DOCK7: variants seen among roughly 807,000 people sequenced by gnomAD.
DOCK7 encodes dedicator of cytokinesis protein 7.
Under a neutral mutation model 271.0 loss-of-function variants are expected in DOCK7, and 138 were observed. That is an observed-to-expected ratio of 0.51 (90% confidence interval 0.44 to 0.59). DOCK7 has a LOEUF of 0.59. Among genes scored for constraint, DOCK7 ranks in the 20% least tolerant of loss-of-function variants. The pLI is 0.00. For synonymous variants in DOCK7, 823 were observed against 876.1 expected (o/e 0.94, Z 1.07); for missense variants, 2,066 against 2,592.4 (o/e 0.80, Z 4.41).
chr1:62,502,062 A>G (rs1444310728), intron 37 of DOCK7, among the ~76,000 whole-genome samples: 1 of 152,150 alleles, frequency 6.6e-6, no homozygotes, highest in East Asian at 1.9e-4. Context: ...AAATTATTTC[A>G]GTGAACTTTC....
At chr1:62,672,729 AAT>A (rs1482745025) in intron 1 of DOCK7, among the ~76,000 whole-genome samples, 2 of 152,140 alleles carry the variant, frequency 1.3e-5, no homozygotes, top group African/African-American at 4.8e-5. Flanking sequence ...ATAATTAAAA[AAT>A]AGATATTTTT....
At chr1:62,470,114 C>T (rs1298013808) in intron 48 of DOCK7, among the ~76,000 whole-genome samples, 1 of 152,180 alleles carries the variant, frequency 6.6e-6, no homozygotes, top group Non-Finnish European at 1.5e-5. Context: ...AAGATACTTG[C>T]ACACACATAT....
In DOCK7 at chr1:62,625,413, T is replaced by A. The variant is rs1224773415; in HGVS notation, c.1283-12A>T. The A allele has an allele frequency of 1.3e-6, 2 of 1,569,726 alleles. No homozygotes were observed. The highest frequency in any genetic ancestry group is 2.0e-5 in the Admixed American group (1 of 50,360). On this transcript the variant is annotated splice_polypyrimidine_tract_variant and intron_variant, in intron 11 of 49. Transcript: ENST00000635253. ...AGACCCTTTTCGTTCTACAAAAGAA[T>A]TAAAAAAAAAATTCATTTTCATAGA...
intron 14 of DOCK7, among the ~76,000 whole-genome samples, chr1:62,607,436 T>C (rs993261102): frequency 6.6e-6 from 1 of 152,214 alleles, no homozygotes; most frequent in African/African-American, 2.4e-5. Flanking sequence ...CAATCTTCTC[T>C]TGAAACGTCT....
At chr1:62,673,163 C>T (rs74992794) in intron 1 of DOCK7, among the ~76,000 whole-genome samples, 2 of 152,164 alleles carry the variant, frequency 1.3e-5, no homozygotes, top group South Asian at 2.1e-4. Flanking sequence ...AACATATACA[C>T]GTTGATATGT....
At chr1:62,544,899 AAGG>A in intron 23 of DOCK7, 45 bp downstream of exon 23, 1 of 1,414,550 alleles carries the variant, frequency 7.1e-7, no homozygotes, top group Non-Finnish European at 9.7e-7. Context: ...TAATGTTCTA[AAGG>A]GAAACATCAG....
chr1:62,509,840 G>C (rs192481159), intron 34 of DOCK7, among the ~76,000 whole-genome samples: 26 of 152,222 alleles, frequency 1.7e-4, no homozygotes, highest in Non-Finnish European at 7.4e-5. Context: ...ATGGTTCTCA[G>C]ATAGGGTAAT....
At chr1:62,615,924 A>T (rs1025406606) in intron 14 of DOCK7, among the ~76,000 whole-genome samples, 1 of 151,752 alleles carries the variant, frequency 6.6e-6, no homozygotes, top group African/African-American at 2.4e-5. Context: ...CAGAATAGAA[A>T]CTAATTATAG....
In DOCK7 at chr1:62,588,573, G is replaced by A. The variant is rs529825760; in HGVS notation, c.1683-1949C>T. 2.1e-4 allele frequency among the ~76,000 whole-genome samples: 32 copies of A among 152,230 alleles called. 1 individual carries two copies. The South Asian group carries it at 6.2e-3, about 30-fold the overall frequency. On this transcript the variant is annotated intron_variant, in intron 14 of 49. Transcript: ENST00000635253. Reference sequence around the variant, plus strand: ...TGTTCTTCTGTGGTTTTTGTAAATTGAGAATTGAATCTAGCGCCTTAGTCA... The same window carrying A: ...TGTTCTTCTGTGGTTTTTGTAAATTAAGAATTGAATCTAGCGCCTTAGTCA...
intron 31 of DOCK7, among the ~76,000 whole-genome samples, chr1:62,527,426 G>A (rs1645042548): frequency 6.6e-6 from 1 of 152,000 alleles, no homozygotes; most frequent in African/African-American, 2.4e-5. Context: ...TATGTTTATT[G>A]TGGCACTATT....
chr1:62,590,201 G>A (rs1425672164), intron 14 of DOCK7, among the ~76,000 whole-genome samples: 2 of 152,130 alleles, frequency 1.3e-5, no homozygotes, highest in African/African-American at 2.4e-5. Context: ...ACAGATAAAA[G>A]TAGGGTCAGG....
intron 44 of DOCK7, 96 bp downstream of exon 44, chr1:62,477,604 C>T (rs1288424894): frequency 3.0e-6 from 4 of 1,339,972 alleles, no homozygotes; most frequent in Non-Finnish European, 4.0e-6. Context: ...TTGGCAAGAT[C>T]TGGCTTACTA....
At chr1:62,631,503 A>C in intron 10 of DOCK7, 98 bp from the exon 11 acceptor site, 3 of 1,105,594 alleles carry the variant, frequency 2.7e-6, no homozygotes, top group South Asian at 1.8e-5. Context: ...AGAAGTCTCA[A>C]TTCTCAGCAG....
chr1:62,537,794 A>T, intron 28 of DOCK7, 97 bp downstream of exon 28: 1 of 1,096,530 alleles, frequency 9.1e-7, no homozygotes, highest in Non-Finnish European at 1.3e-6. Context: ...AGCCTATCAT[A>T]CAGCTGTTAT....
intron 1 of DOCK7, among the ~76,000 whole-genome samples, chr1:62,673,233 C>A (rs564798417): frequency 6.6e-6 from 1 of 152,106 alleles, no homozygotes; most frequent in East Asian, 1.9e-4. Flanking sequence ...TAAAATATAC[C>A]TCCTTTTCTG....
intron 14 of DOCK7, among the ~76,000 whole-genome samples, chr1:62,617,680 A>G (rs1364860489): frequency 1.3e-5 from 2 of 152,044 alleles, no homozygotes; most frequent in Non-Finnish European, 2.9e-5. Context: ...AATACTTTAG[A>G]TACACTGGTT....
intron 48 of DOCK7, among the ~76,000 whole-genome samples, chr1:62,468,990 T>G (rs1249144782): frequency 6.6e-6 from 1 of 152,146 alleles, no homozygotes; most frequent in Non-Finnish European, 1.5e-5. Flanking sequence ...AAAATGACCA[T>G]ACTGCCAAAA....
intron 48 of DOCK7, 134 bp from the exon 49 acceptor site, chr1:62,457,839 A>G (rs1051231493): frequency 1.2e-6 from 1 of 802,166 alleles, no homozygotes; most frequent in Admixed American, 2.4e-5. Flanking sequence ...ATGTGGGCCT[A>G]ATCACACACA....
At chr1:62,626,310 A>G (rs1653948232) in intron 11 of DOCK7, among the ~76,000 whole-genome samples, 1 of 152,120 alleles carries the variant, frequency 6.6e-6, no homozygotes, top group African/African-American at 2.4e-5. Flanking sequence ...CTCAGACTTC[A>G]ACAAACTACA....
Sources: gnomAD v4.1 joint callset for allele counts (sites outside exome capture counted in the v4.1 genomes callset) on GRCh38, gnomAD v4.1.1 for gene constraint, MANE v1.5 for transcripts, NCBI Gene and HGNC (gene_info 2026-07-23, HGNC 2026-07-21) for gene names.